JAZF1: variants seen among roughly 807,000 people sequenced by gnomAD.
The protein encoded by JAZF1 is JAZF zinc finger 1.
In JAZF1, 8 loss-of-function variants were observed where a neutral mutation model predicts 26.4. That is an observed-to-expected ratio of 0.30 (90% CI 0.18 to 0.55). The LOEUF is 0.55. Among genes scored for constraint, JAZF1 ranks in the 20% least tolerant of loss-of-function variants. The pLI is 0.94. For missense variants in JAZF1, 199 were observed against 322.0 expected (o/e 0.62, Z 2.92); for synonymous variants, 126 against 122.3 (o/e 1.03, Z -0.20).
rs112327897 is a variant in JAZF1 at position 27,928,886 on chromosome 7, A to C, written c.189-33470T>G. The stretch of plus-strand genomic sequence containing the variant: ...GAAACAATTTGTACAACAAACCCCC[A>C]TGACACTTTACCTATGTAGCAAATC... On this transcript the variant is annotated intron_variant, in intron 2 of 4. Transcript: ENST00000283928. Among the ~76,000 whole-genome samples the C allele has an allele frequency of 7.2e-3, 1,092 of 152,268 alleles. 16 individuals carry two copies. The highest frequency in any genetic ancestry group is 0.025 in the African/African-American group (1,044 of 41,542).
At chr7:28,158,188 G>C (rs143531873) in intron 1 of JAZF1, among the ~76,000 whole-genome samples, 1,469 of 60,754 alleles carry the variant, frequency 0.024, 15 homozygotes, top group Admixed American at 0.046. Flanking sequence ...CACACACACA[G>C]AGAGAGAGAG....
intron 1 of JAZF1, among the ~76,000 whole-genome samples, chr7:28,163,667 C>G (rs1783324738): frequency 6.6e-6 from 1 of 152,172 alleles, no homozygotes; most frequent in Non-Finnish European, 1.5e-5. Context: ...GCTTTTTCTC[C>G]CCTTCAAGTC....
chr7:27,921,456 AAG>A lies in JAZF1; in HGVS notation c.189-26042_189-26041del, dbSNP rs1490611242. On this transcript the variant is annotated intron_variant, in intron 2 of 4. Coordinates refer to ENST00000283928, the MANE Select transcript of JAZF1 (RefSeq NM_175061.4). ...GCATGATTTTTCTTAAAGTGGCAGTAAGAGAGGGGAAAAGCATAATTGTCAAA... is the reference window on the plus strand; with the variant it reads ...GCATGATTTTTCTTAAAGTGGCAGTAAGAGGGGAAAAGCATAATTGTCAAA... 2.6e-5 allele frequency among the ~76,000 whole-genome samples: 4 copies of A among 152,176 alleles called. No homozygotes were observed. The East Asian group carries it at 7.7e-4, about 29-fold the overall frequency.
At chr7:28,139,278 C>T (rs1186989655) in intron 1 of JAZF1, among the ~76,000 whole-genome samples, 1 of 152,224 alleles carries the variant, frequency 6.6e-6, no homozygotes, top group African/African-American at 2.4e-5. Flanking sequence ...GTGCATCAGC[C>T]AGAGGCCCAG....
rs1348158893 is a variant in JAZF1, at chr7:28,180,664, G to T, written c.-87C>A. 1 of 805,502 alleles carries T rather than the reference G, an allele frequency of 1.2e-6. No homozygotes were observed. The highest frequency in any genetic ancestry group is 3.0e-5 in the East Asian group (1 of 33,458). 49.9% of individuals were successfully genotyped at this position (805,502 alleles called of 1,614,324 possible). A position where few individuals can be genotyped will look rare whatever the true frequency, so the allele number is the denominator to read the frequency against. ...AGGGAGGCCGGGTGGGGTGAGGAGA[G>T]GAGGGGCTGGGGGAGGGGGAGAGAG... On this transcript the variant is annotated 5_prime_UTR_variant, in exon 1 of 5. Coordinates refer to ENST00000283928, the MANE Select transcript of JAZF1 (RefSeq NM_175061.4).
At chr7:27,942,284 G>C (rs143806592) in intron 2 of JAZF1, among the ~76,000 whole-genome samples, 112 of 152,354 alleles carry the variant, frequency 7.4e-4, no homozygotes, top group African/African-American at 2.7e-3. Context: ...GGTCAGAACT[G>C]ATGAGAACAC....
intron 1 of JAZF1, among the ~76,000 whole-genome samples, chr7:28,073,689 C>T (rs542393674): frequency 1.4e-4 from 22 of 152,120 alleles, no homozygotes; most frequent in Admixed American, 9.8e-4. Flanking sequence ...TGCCCCTGCC[C>T]GGGGCAGTGC....
intron 3 of JAZF1, among the ~76,000 whole-genome samples, chr7:27,851,686 T>TA (rs892789332): frequency 3.8e-4 from 58 of 152,096 alleles, no homozygotes; most frequent in African/African-American, 1.1e-3. Flanking sequence ...CCTTGTCTCC[T>TA]AAAAAACAAA....
chr7:28,071,667 G>A (rs1041143642), intron 1 of JAZF1: 1 of 471,016 alleles, frequency 2.1e-6, no homozygotes, highest in Non-Finnish European at 4.4e-6. Flanking sequence ...ATCCAGTGAC[G>A]GCACTTACAG....
chr7:27,879,398 C>T (rs898383712), intron 3 of JAZF1, among the ~76,000 whole-genome samples: 2 of 152,160 alleles, frequency 1.3e-5, no homozygotes, highest in Admixed American at 1.3e-4. Context: ...TAACACCATG[C>T]TCCTATCACC....
chr7:27,900,988 T>C (rs959245740), intron 2 of JAZF1, among the ~76,000 whole-genome samples: 2 of 151,810 alleles, frequency 1.3e-5, no homozygotes, highest in Non-Finnish European at 2.9e-5. Context: ...TTTTTTTTTT[T>C]TCTAAGAGAC....
intron 2 of JAZF1, among the ~76,000 whole-genome samples, chr7:27,931,535 C>T (rs549224202): frequency 6.6e-6 from 1 of 152,334 alleles, no homozygotes; most frequent in East Asian, 1.9e-4. Context: ...GGTTTGGAGG[C>T]TGGGCGTGGT....
At chr7:28,144,451 G>A (rs1782997578) in intron 1 of JAZF1, among the ~76,000 whole-genome samples, 1 of 152,202 alleles carries the variant, frequency 6.6e-6, no homozygotes. Flanking sequence ...GTCCTGAGAG[G>A]CAGACATTTG....
At chr7:27,893,975 A>T (rs183451007) in intron 3 of JAZF1, among the ~76,000 whole-genome samples, 1 of 152,230 alleles carries the variant, frequency 6.6e-6, no homozygotes. Flanking sequence ...AGGAAGCCCA[A>T]TTGTTACAGA....
chr7:27,993,341 G>A (rs1462412560), intron 1 of JAZF1, among the ~76,000 whole-genome samples: 3 of 152,146 alleles, frequency 2.0e-5, no homozygotes, highest in Non-Finnish European at 4.4e-5. Flanking sequence ...CGCTTCCTCA[G>A]TACACATGCA....
At chr7:28,002,440 T>C (rs1306593075) in intron 1 of JAZF1, among the ~76,000 whole-genome samples, 1 of 152,208 alleles carries the variant, frequency 6.6e-6, no homozygotes, top group African/African-American at 2.4e-5. Flanking sequence ...TGTTGTTGCA[T>C]ACAAGTCAAA....
chr7:28,001,427 G>A (rs1295407749), intron 1 of JAZF1, among the ~76,000 whole-genome samples: 4 of 152,086 alleles, frequency 2.6e-5, no homozygotes, highest in Non-Finnish European at 5.9e-5. Context: ...AGACTACAAT[G>A]TTTGTCAATA....
At chr7:28,080,450 A>T (rs952230769) in intron 1 of JAZF1, among the ~76,000 whole-genome samples, 1 of 152,180 alleles carries the variant, frequency 6.6e-6, no homozygotes, top group South Asian at 2.1e-4. Flanking sequence ...TTTTCCTTGC[A>T]TTCACAACTT....
chr7:27,982,100 T>A (rs1785595424), intron 2 of JAZF1, among the ~76,000 whole-genome samples: 1 of 152,254 alleles, frequency 6.6e-6, no homozygotes, highest in African/African-American at 2.4e-5. Context: ...ACTGGGTTCA[T>A]CTTACTGGGG....
Sources: allele counts gnomAD v4.1 joint callset (sites outside exome capture counted in the v4.1 genomes callset), GRCh38; gene constraint gnomAD v4.1.1; transcripts MANE v1.5; gene names NCBI Gene and HGNC (gene_info 2026-07-23, HGNC 2026-07-21).